The following HEMK2 variants were observed in gnomAD, a reference collection of about 807,000 sequenced individuals.
HEMK2 encodes the protein HemK methyltransferase 2, ETF1 glutamine and histone H4 lysine.
chr21:28,642,730 C>T, the HEMK2 span, among the ~76,000 whole-genome samples: 1 of 152,188 alleles, frequency 6.6e-6, no homozygotes, highest in African/African-American at 2.4e-5. Flanking sequence ...CGGCCAGGGC[C>T]CTCTCTGAAG....
chr21:28,578,673 C>A, the HEMK2 span, among the ~76,000 whole-genome samples: 1 of 152,118 alleles, frequency 6.6e-6, no homozygotes, highest in African/African-American at 2.4e-5. Flanking sequence ...ATCTTCTACT[C>A]AGGGATAAGC....
At chr21:28,647,951 G>C in the HEMK2 span, among the ~76,000 whole-genome samples, 1 of 152,174 alleles carries the variant, frequency 6.6e-6, no homozygotes, top group African/African-American at 2.4e-5. Context: ...ACCATTATGG[G>C]GGATAGTGAT....
the HEMK2 span, among the ~76,000 whole-genome samples, chr21:28,751,088 G>A: frequency 6.6e-5 from 10 of 151,842 alleles, no homozygotes; most frequent in Non-Finnish European, 8.8e-5. Context: ...AAAATTAGCC[G>A]GGCGTGGTGG....
chr21:28,673,220 AAG>A, the HEMK2 span, among the ~76,000 whole-genome samples: 2 of 152,164 alleles, frequency 1.3e-5, no homozygotes, highest in East Asian at 3.9e-4. Context: ...GAAAGGATGA[AAG>A]GGGGAAGAAA....
At chr21:28,640,119 A>C in the HEMK2 span, among the ~76,000 whole-genome samples, 1 of 152,238 alleles carries the variant, frequency 6.6e-6, no homozygotes, top group Non-Finnish European at 1.5e-5. Context: ...TTTTTAAATG[A>C]ATCTACAGAT....
At chr21:28,819,230 T>C in the HEMK2 span, among the ~76,000 whole-genome samples, 23 of 151,882 alleles carry the variant, frequency 1.5e-4, no homozygotes, top group African/African-American at 5.6e-4. Flanking sequence ...ATAAAGTCTT[T>C]CATTTTGCTG....
At chr21:28,878,268 C>A in the HEMK2 span, 1 of 1,609,972 alleles carries the variant, frequency 6.2e-7, no homozygotes, top group Non-Finnish European at 8.5e-7. Flanking sequence ...GGGGAAAAAA[C>A]CTGTCCATGA....
At chr21:28,660,828 T>A in the HEMK2 span, among the ~76,000 whole-genome samples, 2 of 152,098 alleles carry the variant, frequency 1.3e-5, no homozygotes, top group African/African-American at 4.8e-5. Context: ...TTAAGCCTTT[T>A]TAAAAAATGG....
At chr21:28,871,043 G>A in the HEMK2 span, among the ~76,000 whole-genome samples, 1 of 152,306 alleles carries the variant, frequency 6.6e-6, no homozygotes, top group African/African-American at 2.4e-5. Context: ...AATTGAGACA[G>A]ACAATTTGAA....
the HEMK2 span, among the ~76,000 whole-genome samples, chr21:28,595,208 T>C: frequency 2.0e-5 from 3 of 152,232 alleles, no homozygotes; most frequent in African/African-American, 7.2e-5. Context: ...TATTTTAAAA[T>C]GTACAACTAC....
chr21:28,625,768 C>T, the HEMK2 span, among the ~76,000 whole-genome samples: 1 of 151,692 alleles, frequency 6.6e-6, no homozygotes, highest in Non-Finnish European at 1.5e-5. Flanking sequence ...TTTCTATTAC[C>T]TTATTTGGCA....
chr21:28,710,172 G>T, the HEMK2 span, among the ~76,000 whole-genome samples: 2 of 152,194 alleles, frequency 1.3e-5, no homozygotes, highest in African/African-American at 2.4e-5. Context: ...GCACAGGGAA[G>T]AATCTGTCAT....
At chr21:28,696,376 C>T in the HEMK2 span, among the ~76,000 whole-genome samples, 4 of 152,202 alleles carry the variant, frequency 2.6e-5, no homozygotes, top group African/African-American at 4.8e-5. Context: ...GTCTAAAATT[C>T]AACAGGGCAG....
At chr21:28,823,249 T>G in the HEMK2 span, among the ~76,000 whole-genome samples, 1 of 152,176 alleles carries the variant, frequency 6.6e-6, no homozygotes, top group Non-Finnish European at 1.5e-5. Context: ...TTTGACAGTT[T>G]TATATCCAAG....
chr21:28,795,217 C>G, the HEMK2 span, among the ~76,000 whole-genome samples: 1 of 152,130 alleles, frequency 6.6e-6, no homozygotes, highest in Non-Finnish European at 1.5e-5. Flanking sequence ...ATAATGATGG[C>G]TCTCATTTAT....
chr21:28,717,321 G>C, the HEMK2 span, among the ~76,000 whole-genome samples: 1 of 151,988 alleles, frequency 6.6e-6, no homozygotes, highest in African/African-American at 2.4e-5. Context: ...GGTCTGCTCA[G>C]GGTTTCAACT....
At chr21:28,584,192 G>C in the HEMK2 span, among the ~76,000 whole-genome samples, 1 of 152,062 alleles carries the variant, frequency 6.6e-6, no homozygotes, top group East Asian at 1.9e-4. Flanking sequence ...TCTTACCCTC[G>C]TAAGAATAAA....
At chr21:28,756,787 G>A in the HEMK2 span, among the ~76,000 whole-genome samples, 1 of 152,170 alleles carries the variant, frequency 6.6e-6, no homozygotes, top group Non-Finnish European at 1.5e-5. Context: ...ATTAACATAA[G>A]AAACCAAAAC....
At chr21:28,636,792 T>C in the HEMK2 span, among the ~76,000 whole-genome samples, 2 of 152,216 alleles carry the variant, frequency 1.3e-5, no homozygotes, top group South Asian at 4.1e-4. Flanking sequence ...TCCAAACAAG[T>C]GCTGTCTCAT....
Sources: gnomAD v4.1 joint callset for allele counts (sites outside exome capture counted in the v4.1 genomes callset) on GRCh38, gnomAD v4.1.1 for gene constraint, MANE v1.5 for transcripts, NCBI Gene and HGNC (gene_info 2026-07-23, HGNC 2026-07-21) for gene names.